The following ADH1C variants were observed in gnomAD, a reference collection of about 807,000 sequenced individuals.
The protein encoded by ADH1C is alcohol dehydrogenase 1C (class I), gamma polypeptide, also known as alcohol dehydrogenase 1C.
Under a neutral mutation model 35.0 loss-of-function variants are expected in ADH1C, and 26 were observed. The observed-to-expected ratio is 0.74, with a 90% CI of 0.54 to 1.03. The LOEUF is 1.03. Among genes scored for constraint, ADH1C ranks in the 50% least tolerant of loss-of-function variants. The pLI is 0.00. For synonymous variants in ADH1C, 170 were observed against 169.3 expected (o/e 1.00, Z -0.03); for missense variants, 413 against 465.4 (o/e 0.89, Z 1.04).
rs1398057673 is a variant in ADH1C at position 99,345,085 on chromosome 4, G to A, written c.348-4C>T. 5 of 1,613,994 alleles carry A rather than the reference G, an allele frequency of 3.1e-6. No homozygotes were observed. The African/African-American group carries it at 6.7e-5, about 22-fold the overall frequency. On this transcript the variant is annotated splice_region_variant and splice_polypyrimidine_tract_variant and intron_variant, in intron 4 of 8. Coordinates refer to ENST00000515683, the MANE Select transcript of ADH1C (RefSeq NM_000669.5). ...GGTCCCCCGAGGATTGCCTAGACTG[G>A]GCAGTGCAATACAAAGACACACAAA...
At chr4:99,345,741 G>A (rs1734517087) in intron 3 of ADH1C, among the ~76,000 whole-genome samples, 3 of 152,234 alleles carry the variant, frequency 2.0e-5, no homozygotes, top group Admixed American at 2.0e-4. Context: ...TTTAACATAG[G>A]TCTTGGCTTT....
chr4:99,338,087 A>G (rs993549134), intron 8 of ADH1C, among the ~76,000 whole-genome samples: 1 of 151,798 alleles, frequency 6.6e-6, no homozygotes, highest in African/African-American at 2.4e-5. Flanking sequence ...AAATTACCAA[A>G]TTGCTTTCCC....
intron 1 of ADH1C, among the ~76,000 whole-genome samples, chr4:99,348,238 C>T (rs1019468862): frequency 1.3e-5 from 2 of 150,334 alleles, no homozygotes; most frequent in African/African-American, 4.9e-5. Context: ...AACTCGTCAT[C>T]TAGCATTAGG....
Position 99,347,042 on chromosome 4 carries a change from C to T in ADH1C, c.223G>A (p.Glu75Lys). Residue 75 changes from glutamate (E) to lysine (K), a missense_variant, in exon 3 of 9, where the codon GAA becomes AAA. Physicochemically the swap from Glu to Lys is moderately conservative, Grantham distance 56 (BLOSUM62 1). Transcript: ENST00000515683. ...GTAGTCACCCCTTCTCCAACACTTT[C>T]CACGATGCCGGCTGCCTCATGGCCT... The part of the protein sequence containing the change: ...ILGHEAAGIV[E>K]SVGEGVTTVK... 1 of 1,614,114 alleles carries T rather than the reference C, an allele frequency of 6.2e-7. No individual in the cohort carries two copies. The highest frequency in any genetic ancestry group is 8.5e-7 in the Non-Finnish European group (1 of 1,180,014).
chr4:99,340,799 G>C, intron 6 of ADH1C, 89 bp from the exon 7 acceptor site: 7 of 1,552,166 alleles, frequency 4.5e-6, no homozygotes, highest in South Asian at 1.2e-5. Flanking sequence ...GGCTTAGCTG[G>C]ATTGTGAGTG....
At chr4:99,350,844 G>C (rs1462219709) in intron 1 of ADH1C, among the ~76,000 whole-genome samples, 1 of 152,192 alleles carries the variant, frequency 6.6e-6, no homozygotes, top group African/African-American at 2.4e-5. Context: ...GCTGTCCAGA[G>C]AATAAAGATC....
At position 99,339,578 on chromosome 4, in the gene ADH1C, T is replaced by C. The variant is rs775889514; in HGVS notation, c.1102A>G (p.Ser368Gly). 1.3e-6 allele frequency: 2 copies of C among 1,522,766 alleles called. No homozygotes were observed. Among genetic ancestry groups the C allele is most frequent in the Non-Finnish European group, 8.9e-7 (1 of 1,126,762 alleles). 94.3% of individuals were successfully genotyped at this position (1,522,766 alleles called of 1,614,324 possible). A position where few individuals can be genotyped will look rare whatever the true frequency, so the allele number is the denominator to read the frequency against. Residue 368 changes from serine to glycine, a missense_variant and splice_region_variant, in exon 8 of 9, where the codon AGT (serine) becomes GGT (glycine). Coordinates refer to ENST00000515683, the MANE Select transcript of ADH1C (RefSeq NM_000669.5). ...ACAAAAAAACAACTTAAAATCTACC[T>C]CTTTCCAGAGCGAAGCAGGTCAAAT... ...EGFDLLRSGK[S>G]IRTVLTF
chr4:99,337,482 G>A (rs1327752370), intron 8 of ADH1C, among the ~76,000 whole-genome samples: 2 of 152,074 alleles, frequency 1.3e-5, no homozygotes, highest in African/African-American at 4.8e-5. Context: ...TTCTTGTGAA[G>A]ATTAGAAATG....
intron 1 of ADH1C, among the ~76,000 whole-genome samples, chr4:99,350,281 A>T (rs559940657): frequency 1.3e-5 from 2 of 152,198 alleles, no homozygotes; most frequent in South Asian, 4.2e-4. Flanking sequence ...ATTTATTTTT[A>T]ATTTCAATAG....
Position 99,343,033 on chromosome 4 carries a change from G to A in ADH1C, c.590C>T (p.Ala197Val). ...VAKVTPGSTCAVFGLGGVGLS... is the reference protein window; with the variant it reads ...VAKVTPGSTCVVFGLGGVGLS... ...GCCGACCCCTCCCAGGCCAAACACA[G>A]CACAGGTAGACCCTGGGGTGACCTA... The change falls in exon 6 of 9, where the codon GCT (alanine) becomes GTT (valine). Residue 197 changes from alanine (A) to valine (V), a missense_variant. Coordinates refer to ENST00000515683, the MANE Select transcript of ADH1C (RefSeq NM_000669.5). 6.2e-7 allele frequency: 1 copy of A among 1,614,186 alleles called. No homozygotes were observed.
chr4:99,337,158 C>A (rs372252539), intron 8 of ADH1C, among the ~76,000 whole-genome samples: 82 of 152,160 alleles, frequency 5.4e-4, no homozygotes, highest in African/African-American at 1.8e-3. Flanking sequence ...GCATTTTTTT[C>A]ACTTAAATCT....
chr4:99,347,225 T>C (rs1734557388), intron 2 of ADH1C, 81 bp from the exon 3 acceptor site: 1 of 1,512,358 alleles, frequency 6.6e-7, no homozygotes, highest in Non-Finnish European at 8.9e-7. Context: ...TTTTCTAAAA[T>C]TGTTATTCAA....
At chr4:99,339,543 A>C in intron 8 of ADH1C, 34 bp downstream of exon 8, 2 of 1,476,094 alleles carry the variant, frequency 1.4e-6, no homozygotes, top group Non-Finnish European at 9.1e-7. Context: ...ACTGTAGAAT[A>C]CAAAGCAAAA....
At chr4:99,344,708 G>A (rs1032478090) in intron 5 of ADH1C, among the ~76,000 whole-genome samples, 154 bp downstream of exon 5, 4 of 152,086 alleles carry the variant, frequency 2.6e-5, no homozygotes, top group Non-Finnish European at 5.9e-5. Flanking sequence ...GAAATTTCTA[G>A]CCTGTGCTCT....
intron 1 of ADH1C, among the ~76,000 whole-genome samples, chr4:99,350,783 G>T (rs1401801645): frequency 1.3e-5 from 2 of 152,192 alleles, no homozygotes; most frequent in African/African-American, 4.8e-5. Flanking sequence ...TGAAATAATT[G>T]AGGATCAACT....
At chr4:99,338,305 T>C (rs1160132986) in intron 8 of ADH1C, among the ~76,000 whole-genome samples, 1 of 148,470 alleles carries the variant, frequency 6.7e-6, no homozygotes, top group African/African-American at 2.5e-5. Context: ...GTTTTGGTCA[T>C]CTCTATTTGC....
chr4:99,339,383 A>C (rs1208276464), intron 8 of ADH1C, among the ~76,000 whole-genome samples, 194 bp downstream of exon 8: 1 of 152,156 alleles, frequency 6.6e-6, no homozygotes, highest in Non-Finnish European at 1.5e-5. Flanking sequence ...GGAAATGCAA[A>C]GCAACTGTTT....
intron 1 of ADH1C, among the ~76,000 whole-genome samples, chr4:99,348,328 C>T (rs1734591012): frequency 6.9e-6 from 1 of 145,554 alleles, no homozygotes; most frequent in Admixed American, 7.0e-5. Flanking sequence ...TTCCTGTGTC[C>T]ATGTGATCTC....
At chr4:99,344,618 A>G (rs1734485799) in intron 5 of ADH1C, among the ~76,000 whole-genome samples, 1 of 152,194 alleles carries the variant, frequency 6.6e-6, no homozygotes, top group African/African-American at 2.4e-5. Context: ...TGATCCCATA[A>G]ACAGCAAATT....
Sources: gnomAD v4.1 joint callset for allele counts (sites outside exome capture counted in the v4.1 genomes callset) on GRCh38, gnomAD v4.1.1 for gene constraint, MANE v1.5 for transcripts, NCBI Gene and HGNC (gene_info 2026-07-23, HGNC 2026-07-21) for gene names.